The following EPB41L4A variants were observed in gnomAD, a reference collection of about 807,000 sequenced individuals.
EPB41L4A encodes the protein erythrocyte membrane protein band 4.1 like 4A, also known as band 4.1-like protein 4A.
EPB41L4A carries 100 observed loss-of-function variants against 108.6 expected under a neutral mutation model. The ratio of observed to expected loss-of-function variants is 0.92; its 90% CI spans 0.78 to 1.09. EPB41L4A has a LOEUF of 1.09. Ranked by LOEUF, EPB41L4A falls within the 50% of genes least tolerant of loss-of-function variation. The pLI, the probability that EPB41L4A is intolerant of heterozygous loss-of-function variation, is 0.00. For synonymous variants in EPB41L4A, 319 were observed against 289.0 expected (o/e 1.10, Z -1.05); for missense variants, 1,030 against 842.7 (o/e 1.22, Z -2.75).
chr5:112,210,910 C>A (rs999770037), intron 12 of EPB41L4A, among the ~76,000 whole-genome samples: 1 of 151,682 alleles, frequency 6.6e-6, no homozygotes, highest in African/African-American at 2.4e-5. Flanking sequence ...GTAATAGTTA[C>A]GGTCCTTCAA....
At chr5:112,156,557 A>T (rs1409816696) in intron 12 of EPB41L4A, among the ~76,000 whole-genome samples, 1 of 152,228 alleles carries the variant, frequency 6.6e-6, no homozygotes, top group Non-Finnish European at 1.5e-5. Flanking sequence ...TTGAGGAAGT[A>T]CATCTCCTTT....
chr5:112,213,354 T>G (rs114027156), intron 12 of EPB41L4A, among the ~76,000 whole-genome samples: 8,344 of 24,042 alleles, frequency 0.35, 630 homozygotes, highest in African/African-American at 0.52. Flanking sequence ...TTTTTTTTTG[T>G]TTTTTTTTTT....
intron 4 of EPB41L4A, among the ~76,000 whole-genome samples, chr5:112,272,743 T>C (rs1236273369): frequency 8.4e-6 from 1 of 118,458 alleles, no homozygotes; most frequent in Non-Finnish European, 1.6e-5. Flanking sequence ...ATTGCACCAC[T>C]GCCCTCCAGT....
intron 1 of EPB41L4A, among the ~76,000 whole-genome samples, chr5:112,398,721 G>C (rs1375563862): frequency 1.3e-5 from 2 of 152,032 alleles, no homozygotes; most frequent in Non-Finnish European, 2.9e-5. Context: ...TTTCACCTGA[G>C]GTCCTCCCAG....
intron 12 of EPB41L4A, among the ~76,000 whole-genome samples, chr5:112,227,170 G>T (rs994430692): frequency 1.3e-5 from 2 of 152,014 alleles, no homozygotes; most frequent in Non-Finnish European, 2.9e-5. Flanking sequence ...CTTCACACTC[G>T]ATTTATACTG....
At chr5:112,282,552 T>G (rs578057980) in intron 2 of EPB41L4A, among the ~76,000 whole-genome samples, 11 of 152,314 alleles carry the variant, frequency 7.2e-5, no homozygotes, top group African/African-American at 2.4e-4. Context: ...AAAATCAAGA[T>G]GTCAGCCTGC....
Position 112,164,786 on chromosome 5 carries a change from A to G in EPB41L4A, c.*204T>C. ...TAAGTGGAGGCTGCGGTGAGCTGAC[A>G]CGGTGCCGCTGCACTCCAGCCTGGG... On this transcript the variant is annotated 3_prime_UTR_variant, in exon 23 of 23. Transcript: ENST00000261486. The G allele has an allele frequency of 2.5e-6, 1 of 407,756 alleles. No individual in the cohort carries two copies. 25.3% of individuals were successfully genotyped at this position (407,756 alleles called of 1,614,324 possible). A position where few individuals can be genotyped will look rare whatever the true frequency, so the allele number is the denominator to read the frequency against.
intron 1 of EPB41L4A, among the ~76,000 whole-genome samples, chr5:112,380,452 A>C (rs1380934725): frequency 1.3e-5 from 2 of 152,160 alleles, no homozygotes; most frequent in Non-Finnish European, 2.9e-5. Context: ...AAAATGATAA[A>C]ATAACTCTAA....
At chr5:112,369,245 C>T (rs991451667) in intron 1 of EPB41L4A, among the ~76,000 whole-genome samples, 3 of 152,148 alleles carry the variant, frequency 2.0e-5, no homozygotes, top group Non-Finnish European at 2.9e-5. Context: ...CATTCCCTTC[C>T]TTTCCACACC....
chr5:112,215,131 G>C (rs1207131405), intron 12 of EPB41L4A, among the ~76,000 whole-genome samples: 5 of 152,200 alleles, frequency 3.3e-5, no homozygotes, highest in Non-Finnish European at 2.9e-5. Context: ...GAAAATTCAG[G>C]ATAATGATCT....
chr5:112,237,261 A>G (rs779642260), intron 11 of EPB41L4A, among the ~76,000 whole-genome samples: 2 of 152,214 alleles, frequency 1.3e-5, no homozygotes, highest in African/African-American at 4.8e-5. Flanking sequence ...GTACTGGAAC[A>G]TCAGATTTCA....
At chr5:112,362,181 G>T (rs1420893085) in intron 1 of EPB41L4A, among the ~76,000 whole-genome samples, 1 of 151,702 alleles carries the variant, frequency 6.6e-6, no homozygotes, top group African/African-American at 2.4e-5. Flanking sequence ...ATAGCTCACA[G>T]CAGCCTTGAA....
chr5:112,217,927 T>C (rs766740417), intron 12 of EPB41L4A, among the ~76,000 whole-genome samples: 31 of 152,172 alleles, frequency 2.0e-4, no homozygotes, highest in Admixed American at 1.0e-3. Flanking sequence ...GTTGTTCTGC[T>C]TCCAATTTCC....
At chr5:112,350,010 C>T (rs935013282) in intron 1 of EPB41L4A, among the ~76,000 whole-genome samples, 2 of 152,174 alleles carry the variant, frequency 1.3e-5, no homozygotes, top group African/African-American at 4.8e-5. Flanking sequence ...TGTAGAACAG[C>T]ATTGCCCAAC....
chr5:112,277,670 G>A (rs1305266307), intron 3 of EPB41L4A, among the ~76,000 whole-genome samples: 1 of 152,122 alleles, frequency 6.6e-6, no homozygotes, highest in Non-Finnish European at 1.5e-5. Context: ...ATTCTATACA[G>A]CTTCTCAGGG....
intron 13 of EPB41L4A, chr5:112,207,066 G>T (rs535790707): frequency 6.6e-6 from 1 of 152,308 alleles, no homozygotes; most frequent in Admixed American, 6.5e-5. Flanking sequence ...AACAAAAACA[G>T]CATGGTATGG....
At chr5:112,152,488 T>G (rs921869795) in intron 12 of EPB41L4A, among the ~76,000 whole-genome samples, 4 of 152,166 alleles carry the variant, frequency 2.6e-5, no homozygotes, top group African/African-American at 9.7e-5. Context: ...ATTAGTGCCC[T>G]TATAAAAAGG....
chr5:112,370,795 G>C (rs369278381), intron 1 of EPB41L4A, among the ~76,000 whole-genome samples: 9 of 152,168 alleles, frequency 5.9e-5, no homozygotes, highest in African/African-American at 2.2e-4. Flanking sequence ...CATGCCTGTA[G>C]TCCCAGCTAC....
At chr5:112,415,143 A>C (rs1299627708) in intron 1 of EPB41L4A, among the ~76,000 whole-genome samples, 1 of 152,202 alleles carries the variant, frequency 6.6e-6, no homozygotes, top group East Asian at 1.9e-4. Context: ...AGTGAGATGC[A>C]TAAAATTTAA....
Sources: allele counts gnomAD v4.1 joint callset (sites outside exome capture counted in the v4.1 genomes callset), GRCh38; gene constraint gnomAD v4.1.1; transcripts MANE v1.5; gene names NCBI Gene and HGNC (gene_info 2026-07-23, HGNC 2026-07-21).